NAV3: variants seen among roughly 807,000 people sequenced by gnomAD.
NAV3 encodes pore membrane and/or filament interacting like protein 1.
Under a neutral mutation model 244.7 loss-of-function variants are expected in NAV3, and 87 were observed. The ratio of observed to expected loss-of-function variants is 0.36; its 90% CI spans 0.30 to 0.42. The LOEUF (loss-of-function observed/expected upper bound fraction) is 0.42, where lower values mean the gene tolerates loss of function less well. Ranked by LOEUF, NAV3 falls within the 20% of genes least tolerant of loss-of-function variation. The probability of loss-of-function intolerance (pLI) is 1.00; values close to 1 mark genes in which losing one functional copy is unlikely to be tolerated. For missense variants in NAV3, 2,663 were observed against 2,893.3 expected (o/e 0.92, Z 1.83); for synonymous variants, 1,126 against 1,042.2 (o/e 1.08, Z -1.55).
chr12:77,674,520 G>C (rs1156967196), intron 2 of NAV3, among the ~76,000 whole-genome samples: 1 of 151,790 alleles, frequency 6.6e-6, no homozygotes, highest in African/African-American at 2.4e-5. Context: ...GTAGCAAGTA[G>C]CTGGCACTAC....
At chr12:77,629,872 C>T (rs551040929) in intron 2 of NAV3, among the ~76,000 whole-genome samples, 2 of 152,124 alleles carry the variant, frequency 1.3e-5, no homozygotes, top group African/African-American at 4.8e-5. Context: ...ATAGGTTGGA[C>T]GAATCCATAA....
intron 22 of NAV3, among the ~76,000 whole-genome samples, chr12:78,154,691 C>T (rs184490556): frequency 6.6e-6 from 1 of 151,826 alleles, no homozygotes; most frequent in Non-Finnish European, 1.5e-5. Flanking sequence ...CAATTTTACT[C>T]TGACCTTAAA....
Position 77,778,598 on chromosome 12 carries a change from C to T in NAV3, c.73-161721C>T, listed in dbSNP as rs956020608. ...CTGCACTCCAGCCTGGGCAACAGAG[C>T]GAGACTCCGTCTCAGAAAAAAAAAA... is the stretch of plus-strand genomic sequence containing the variant. On this transcript the variant is annotated intron_variant, in intron 2 of 8. Coordinates refer to the NAV3 transcript ENST00000550042. 5.8e-5 allele frequency among the ~76,000 whole-genome samples: 8 copies of T among 137,426 alleles called. No individual in the cohort carries two copies. In the South Asian group the frequency reaches 6.8e-4, roughly 12 times the overall value. The allele number at this position is 137,426 out of a possible 152,430, so 90.2% of individuals were successfully genotyped here. A position where few individuals can be genotyped will look rare whatever the true frequency, so the allele number is the denominator to read the frequency against.
rs1463544084 is a variant in NAV3, at chr12:78,210,511, C to A, written c.7152C>A (p.Thr2384=). Reference sequence around the variant, plus strand: ...TTTTGGATTCATCTCTTGAATCTACCCTCTAGAGGGTGAAAAAAGTTAAGG... The same window carrying A: ...TTTTGGATTCATCTCTTGAATCTACACTCTAGAGGGTGAAAAAAGTTAAGG... ...EDILDSSLES[T]L Residue 2384 remains threonine, a synonymous_variant, in exon 40 of 40, where the codon ACC becomes ACA. Transcript: ENST00000397909. The A allele has an allele frequency of 3.1e-6, 5 of 1,613,184 alleles. No homozygotes were observed. Among genetic ancestry groups the A allele is most frequent in the African/African-American group, 1.3e-5 (1 of 74,964 alleles).
chr12:78,000,027 A>G (rs1209334703), intron 7 of NAV3, among the ~76,000 whole-genome samples: 1 of 152,232 alleles, frequency 6.6e-6, no homozygotes, highest in Non-Finnish European at 1.5e-5. Flanking sequence ...GCATTTGATG[A>G]ATTAACACTT....
intron 1 of NAV3, among the ~76,000 whole-genome samples, chr12:77,864,068 T>A (rs1403919790): frequency 6.6e-6 from 1 of 151,888 alleles, no homozygotes; most frequent in Non-Finnish European, 1.5e-5. Flanking sequence ...TTTTGGTACA[T>A]CACACACAAT....
chr12:78,146,299 T>G (rs1048924467), intron 20 of NAV3, 70 bp from the exon 21 acceptor site: 2 of 591,026 alleles, frequency 3.4e-6, no homozygotes, highest in Admixed American at 3.3e-5. Flanking sequence ...ATTATTGTAT[T>G]CATTTATACT....
Position 78,205,089 on chromosome 12 carries a change from C to T in NAV3, c.6989C>T (p.Ala2330Val). ...GAAAGCTGCACATCCACTAAGGAAG[C>T]CACAACCTCAAAGCACATTCCGCAA... ...GYESCTSTKE[A>V]TTSKHIPQTD... Residue 2330 changes from alanine to valine, a missense_variant, in exon 39 of 40, where the codon GCC (alanine) becomes GTC (valine). Around this residue, in one of 6 missense-constraint regions of NAV3, gnomAD observed 543 missense variants for 672.4 expected, o/e 0.81. Transcript: ENST00000397909. The T allele has an allele frequency of 6.2e-7, 1 of 1,613,470 alleles. No homozygotes were observed. Among genetic ancestry groups the T allele is most frequent in the Non-Finnish European group, 8.5e-7 (1 of 1,179,728 alleles).
At chr12:78,106,235 A>T (rs1221599047) in intron 12 of NAV3, among the ~76,000 whole-genome samples, 2 of 152,212 alleles carry the variant, frequency 1.3e-5, no homozygotes, top group Non-Finnish European at 2.9e-5. Flanking sequence ...AGATCATAGC[A>T]TACAAAGCCA....
chr12:78,005,236 T>G (rs893263138), intron 7 of NAV3, among the ~76,000 whole-genome samples: 6 of 152,180 alleles, frequency 3.9e-5, no homozygotes, highest in Non-Finnish European at 8.8e-5. Context: ...AGAGTTTATT[T>G]TGGTTTTAGA....
rs2138613915 is a variant in NAV3, at chr12:78,119,489, A to T, written c.3293A>T (p.Lys1098Ile). Reference protein sequence around the residue: ...SGSATLGKIPKSAAIGGKSNA... With the variant: ...SGSATLGKIPISAAIGGKSNA... ...TCTGCAACACTGGGTAAAATTCCAA[A>T]ATCTGCTGCCATTGGCGGGAAGTCA... The change falls in exon 15 of 40, where the codon AAA becomes ATA. Residue 1098 changes from lysine (K) to isoleucine (I), a missense_variant. Physicochemically the swap from Lys to Ile is moderately radical, Grantham distance 102. This residue lies in a region of NAV3 where 1,521 missense variants were observed against 1,497.0 expected (regional missense o/e 1.02). Transcript: ENST00000397909. 1.2e-6 allele frequency: 2 copies of T among 1,614,140 alleles called. No individual in the cohort carries two copies. The highest frequency in any genetic ancestry group is 1.6e-4 in the Middle Eastern group (1 of 6,062).
chr12:77,698,206 C>T (rs765289454), intron 2 of NAV3, among the ~76,000 whole-genome samples: 9 of 152,148 alleles, frequency 5.9e-5, no homozygotes, highest in African/African-American at 1.4e-4. Context: ...TACTCCATCT[C>T]ATCCTGTTCC....
intron 2 of NAV3, among the ~76,000 whole-genome samples, chr12:77,794,795 T>A (rs1469228215): frequency 6.6e-6 from 1 of 152,218 alleles, no homozygotes; most frequent in Non-Finnish European, 1.5e-5. Flanking sequence ...TATCTTTTGA[T>A]GTTATGTTGT....
chr12:77,638,998 A>G (rs770919562), intron 2 of NAV3, among the ~76,000 whole-genome samples: 35 of 152,104 alleles, frequency 2.3e-4, no homozygotes, highest in Admixed American at 4.6e-4. Context: ...TAAAGATCAT[A>G]GGGGTAATGG....
intron 2 of NAV3, among the ~76,000 whole-genome samples, chr12:77,778,036 C>A (rs1433139927): frequency 6.6e-6 from 1 of 151,962 alleles, no homozygotes; most frequent in Admixed American, 6.6e-5. Flanking sequence ...AAACTCCCGA[C>A]CTTAGGTGAT....
At chr12:77,928,642 C>G (rs1888474991) in intron 1 of NAV3, among the ~76,000 whole-genome samples, 1 of 152,098 alleles carries the variant, frequency 6.6e-6, no homozygotes, top group Non-Finnish European at 1.5e-5. Flanking sequence ...GCTTTTTTCT[C>G]TATTAAAAAA....
intron 16 of NAV3, 96 bp from the exon 17 acceptor site, chr12:78,127,071 A>AAGG: frequency 8.0e-7 from 1 of 1,248,280 alleles, no homozygotes; most frequent in Admixed American, 2.0e-5. Flanking sequence ...TTACCAAAAA[A>AAGG]TTATTTTTTA....
chr12:78,175,938 G>A (rs1445702330), intron 25 of NAV3, among the ~76,000 whole-genome samples: 1 of 151,066 alleles, frequency 6.6e-6, no homozygotes, highest in Non-Finnish European at 1.5e-5. Context: ...AAAGGAGAAT[G>A]GGAGTTAATA....
intron 19 of NAV3, among the ~76,000 whole-genome samples, chr12:78,137,672 T>A (rs867925251): frequency 6.6e-6 from 1 of 152,148 alleles, no homozygotes; most frequent in Admixed American, 6.5e-5. Flanking sequence ...TCAGAGCAAA[T>A]GTTTTGTTTG....
Sources: allele counts gnomAD v4.1 joint callset (sites outside exome capture counted in the v4.1 genomes callset), GRCh38; gene constraint gnomAD v4.1.1; regional missense constraint gnomAD v4.1.1; transcripts MANE v1.5; gene names NCBI Gene and HGNC (gene_info 2026-07-23, HGNC 2026-07-21).